The following BTRC variants were observed in gnomAD, a reference collection of about 807,000 sequenced individuals.
The protein encoded by BTRC is F-box/WD repeat-containing protein 1A.
A neutral mutation model predicts 85.5 loss-of-function variants in BTRC; 42 were observed. That is an observed-to-expected ratio of 0.49 (90% CI 0.38 to 0.64). The LOEUF is 0.64. BTRC is among the 30% of genes least tolerant of loss of function. The pLI is 0.00. For missense variants in BTRC, 594 were observed against 743.5 expected (o/e 0.80, Z 2.34); for synonymous variants, 255 against 263.3 (o/e 0.97, Z 0.30).
chr10:101,434,775 A>G (rs1944484710), intron 2 of BTRC, among the ~76,000 whole-genome samples: 1 of 150,908 alleles, frequency 6.6e-6, no homozygotes, highest in Non-Finnish European at 1.5e-5. Context: ...AGCCTGACCA[A>G]CATGGCTGAA....
chr10:101,416,638 A>C (rs1943954084), intron 1 of BTRC, among the ~76,000 whole-genome samples: 4 of 152,114 alleles, frequency 2.6e-5, no homozygotes. Context: ...CCACAGCATC[A>C]TGAGACTGCT....
At chr10:101,515,595 T>C (rs2134346179) in intron 4 of BTRC, among the ~76,000 whole-genome samples, 1 of 151,840 alleles carries the variant, frequency 6.6e-6, no homozygotes, top group East Asian at 1.9e-4. Flanking sequence ...CACTGCAATC[T>C]CCACCTCCCG....
chr10:101,486,891 C>G (rs1445818803), intron 4 of BTRC, among the ~76,000 whole-genome samples: 5 of 152,182 alleles, frequency 3.3e-5, no homozygotes, highest in African/African-American at 4.8e-5. Flanking sequence ...CTGTCACTTA[C>G]TGAAGGGTTT....
chr10:101,390,649 A>G (rs1156822166), intron 1 of BTRC, among the ~76,000 whole-genome samples: 1 of 152,090 alleles, frequency 6.6e-6, no homozygotes, highest in Admixed American at 6.5e-5. Context: ...ATAATTTTCA[A>G]TAAATGAGCT....
At position 101,550,684 on chromosome 10, in the gene BTRC, T is replaced by C. The variant is rs747242089; in HGVS notation, c.1657-15T>C. ...GTAGTTCAAGTTCCTACCCTTTTTGTTTCTACTTCTTTAGGAGCATTCCGG... is the reference window on the plus strand; with the variant it reads ...GTAGTTCAAGTTCCTACCCTTTTTGCTTCTACTTCTTTAGGAGCATTCCGG... On this transcript the variant is annotated splice_polypyrimidine_tract_variant and intron_variant, in intron 13 of 14. Transcript: ENST00000370187. 7 of 1,606,232 alleles carry C rather than the reference T, an allele frequency of 4.4e-6. No homozygotes were observed. In the Admixed American group the frequency reaches 6.7e-5, roughly 15 times the overall value.
chr10:101,545,313 G>C (rs997056884), intron 13 of BTRC, among the ~76,000 whole-genome samples: 2 of 152,100 alleles, frequency 1.3e-5, no homozygotes, highest in Admixed American at 6.5e-5. Flanking sequence ...GCAATTTGAA[G>C]AAGAAGGCTA....
intron 13 of BTRC, among the ~76,000 whole-genome samples, chr10:101,539,334 A>G (rs1372441795): frequency 6.6e-6 from 1 of 152,190 alleles, no homozygotes; most frequent in Non-Finnish European, 1.5e-5. Context: ...AAAAGATGAG[A>G]GCAAGCATTT....
chr10:101,512,458 A>T lies in BTRC; in HGVS notation c.325-9181A>T, dbSNP rs190760129. Among the ~76,000 whole-genome samples the T allele has an allele frequency of 5.3e-5, 8 of 152,304 alleles. No individual in the cohort carries two copies. The East Asian group carries it at 1.3e-3, about 26-fold the overall frequency. The stretch of plus-strand genomic sequence containing the variant: ...ATGTCTGGAATGTCTTTCTCTACTT[A>T]CTATACCCTTCCTTTTGGTTAAAGC... On this transcript the variant is annotated intron_variant, in intron 4 of 14. Transcript: ENST00000370187.
intron 1 of BTRC, among the ~76,000 whole-genome samples, chr10:101,390,893 T>C (rs555536292): frequency 4.7e-4 from 71 of 152,352 alleles, no homozygotes; most frequent in African/African-American, 1.6e-3. Flanking sequence ...TCAGTTAAGA[T>C]AGATTAATTT....
At chr10:101,457,774 C>G (rs1313934309) in intron 2 of BTRC, among the ~76,000 whole-genome samples, 1 of 152,092 alleles carries the variant, frequency 6.6e-6, no homozygotes, top group South Asian at 2.1e-4. Context: ...ATTTATTTTT[C>G]ACTTAACTTT....
At chr10:101,479,286 A>T in intron 3 of BTRC, 82 bp from the exon 4 acceptor site, 1 of 1,028,622 alleles carries the variant, frequency 9.7e-7, no homozygotes, top group Non-Finnish European at 1.5e-6. Context: ...TTTTGACTTG[A>T]GAAATAGAGC....
chr10:101,357,341 T>C (rs1942066698), intron 1 of BTRC, among the ~76,000 whole-genome samples: 1 of 147,786 alleles, frequency 6.8e-6, no homozygotes, highest in East Asian at 2.0e-4. Context: ...CTCGGGAGGC[T>C]GAGGCAGTAG....
intron 1 of BTRC, among the ~76,000 whole-genome samples, chr10:101,389,498 T>G (rs1013724084): frequency 3.9e-5 from 6 of 152,172 alleles, no homozygotes; most frequent in Admixed American, 3.9e-4. Context: ...TGGTAAACTT[T>G]GTTGTTTTGC....
intron 7 of BTRC, 112 bp downstream of exon 7, chr10:101,531,445 A>G (rs553413470): frequency 1.2e-6 from 1 of 803,450 alleles, no homozygotes; most frequent in East Asian, 2.8e-5. Flanking sequence ...TGAGTTGGGA[A>G]TCAATCTCTT....
In BTRC at chr10:101,426,743, T is replaced by C. The variant is rs574168943; in HGVS notation, c.49-3602T>C. ...CAAGGAGCATTCACAAAAATAAATA[T>C]GTATATTTTAATTTTAAAAAGAGCC... On this transcript the variant is annotated intron_variant, in intron 1 of 14. Transcript: ENST00000370187. 4.6e-5 allele frequency among the ~76,000 whole-genome samples: 7 copies of C among 152,182 alleles called. No homozygotes were observed. The East Asian group carries it at 7.7e-4, about 17-fold the overall frequency.
At chr10:101,547,003 AACTC>A (rs1295542602) in intron 13 of BTRC, among the ~76,000 whole-genome samples, 2 of 152,252 alleles carry the variant, frequency 1.3e-5, no homozygotes, top group Admixed American at 1.3e-4. Flanking sequence ...ATAACTTACT[AACTC>A]ATCTATGAAG....
rs1454049235 is a variant in BTRC, at chr10:101,536,542, G to T, written c.1467-1G>T. 6.2e-7 allele frequency: 1 copy of T among 1,609,542 alleles called. No individual in the cohort carries two copies. The highest frequency in any genetic ancestry group is 1.7e-5 in the Admixed American group (1 of 59,972). ...TCACCTGACTTAATTTTCTCTTCCA[G>T]ATTATGGGACATAGAATGTGGTGCA... is the stretch of plus-strand genomic sequence containing the variant. On this transcript the variant is annotated splice_acceptor_variant, in intron 11 of 14. Coordinates refer to ENST00000370187, the MANE Select transcript of BTRC (RefSeq NM_033637.4). LOFTEE classifies it high-confidence loss of function.
chr10:101,456,872 GAAAT>G (rs1267350622), intron 2 of BTRC, among the ~76,000 whole-genome samples: 1 of 152,160 alleles, frequency 6.6e-6, no homozygotes, highest in Non-Finnish European at 1.5e-5. Flanking sequence ...ACTGGGCTAA[GAAAT>G]AAATATTTGA....
chr10:101,452,681 C>A (rs982920352), intron 2 of BTRC, among the ~76,000 whole-genome samples: 2 of 152,070 alleles, frequency 1.3e-5, no homozygotes, highest in Non-Finnish European at 2.9e-5. Flanking sequence ...TCCATTCTAT[C>A]TAGTTGTTAG....
Sources: gnomAD v4.1 joint callset for allele counts (sites outside exome capture counted in the v4.1 genomes callset) on GRCh38, gnomAD v4.1.1 for gene constraint, MANE v1.5 for transcripts, NCBI Gene and HGNC (gene_info 2026-07-23, HGNC 2026-07-21) for gene names.